Variants in TOX4 observed in about 807,000 individuals in gnomAD.
TOX4 encodes TOX high mobility group box family member 4.
TOX4 carries 12 observed loss-of-function variants against 61.0 expected under a neutral mutation model. The observed-to-expected ratio is 0.20, with a 90% CI of 0.13 to 0.32. The LOEUF is 0.32. TOX4 is among the 10% of genes least tolerant of loss of function. The pLI is 1.00. For missense variants in TOX4, 499 were observed against 753.3 expected, an observed-to-expected ratio of 0.66 and a Z score of 3.95; for synonymous variants, 268 against 274.8, an observed-to-expected ratio of 0.98 and a Z score of 0.24.
chr14:21,489,814 C>CTCG (rs1177495551), intron 5 of TOX4, among the ~76,000 whole-genome samples: 2 of 151,980 alleles, frequency 1.3e-5, no homozygotes, highest in African/African-American at 4.8e-5. Context: ...ATCTCCTGAC[C>CTCG]TCGTGATCCA....
Position 21,493,355 on chromosome 14 carries a change from C to T in TOX4, c.1641+98C>T, listed in dbSNP as rs1024022499. ...GGGGGTTGCTACTAGCATTTAATGCCCAGCAACCAGGAGCACAAAACATCC... is the reference window on the plus strand; with the variant it reads ...GGGGGTTGCTACTAGCATTTAATGCTCAGCAACCAGGAGCACAAAACATCC... On this transcript the variant is annotated intron_variant, in intron 7 of 8. Coordinates refer to ENST00000448790, the MANE Select transcript of TOX4 (RefSeq NM_014828.4). 8.8e-6 allele frequency: 12 copies of T among 1,369,644 alleles called. No individual in the cohort carries two copies. In the East Asian group the frequency reaches 2.9e-4, roughly 33 times the overall value. 84.8% of individuals were successfully genotyped at this position (1,369,644 alleles called of 1,614,324 possible).
At chr14:21,492,129 A>T in intron 5 of TOX4, 167 bp from the exon 6 acceptor site, 1 of 645,416 alleles carries the variant, frequency 1.5e-6, no homozygotes, top group Non-Finnish European at 2.7e-6. Context: ...TGAGTCTGCC[A>T]TGGAGGTTGT....
chr14:21,492,680 C>CAA lies in TOX4; in HGVS notation c.1065_1066insAA (p.Ser356AsnfsTer14). 6.2e-7 allele frequency: 1 copy of CAA among 1,614,050 alleles called. No homozygotes were observed. The highest frequency in any genetic ancestry group is 8.5e-7 in the Non-Finnish European group (1 of 1,180,022). On this transcript the variant is annotated frameshift_variant, in exon 7 of 9. Transcript: ENST00000448790. LOFTEE classifies it high-confidence loss of function. ...CTTTCATCCTATGTGGCAAACCAGG[C>CAA]ATCTTCTGGAGCTGGGGGTCAGCCC...
At chr14:21,494,975 A>T (rs1891370233) in intron 7 of TOX4, among the ~76,000 whole-genome samples, 1 of 139,442 alleles carries the variant, frequency 7.2e-6, no homozygotes, top group African/African-American at 2.6e-5. Flanking sequence ...GCCAGGCTTA[A>T]CAGGGAAAAA....
In TOX4 at chr14:21,498,184, T is replaced by C; in HGVS notation, c.*1578T>C. 1 of 864,886 alleles carries C rather than the reference T, an allele frequency of 1.2e-6. No individual in the cohort carries two copies. Among genetic ancestry groups the C allele is most frequent in the Non-Finnish European group, 1.9e-6 (1 of 519,114 alleles). The allele number at this position is 864,886 out of a possible 1,614,324, so 53.6% of individuals were successfully genotyped here. On this transcript the variant is annotated 3_prime_UTR_variant, in exon 9 of 9. Coordinates refer to ENST00000448790, the MANE Select transcript of TOX4 (RefSeq NM_014828.4). ...TTATTTAAATAAAGAAGAAAGCTATTGTACAAATATCACTCTTCAGGTTTA... is the reference window on the plus strand; with the variant it reads ...TTATTTAAATAAAGAAGAAAGCTATCGTACAAATATCACTCTTCAGGTTTA...
chr14:21,493,558 C>G (rs1288861421), intron 7 of TOX4, among the ~76,000 whole-genome samples: 1 of 152,154 alleles, frequency 6.6e-6, no homozygotes, highest in Non-Finnish European at 1.5e-5. Flanking sequence ...TCTCCTGCCT[C>G]AGCCTCCCGA....
At position 21,485,646 on chromosome 14, in the gene TOX4, C is replaced by T. The variant is rs1393366721; in HGVS notation, c.76-1805C>T. On this transcript the variant is annotated intron_variant, in intron 2 of 8. Coordinates refer to ENST00000448790, the MANE Select transcript of TOX4 (RefSeq NM_014828.4). ...ATCCCAGCACTTTGGGAGGCTGAGG[C>T]GGGTGGATCACGAGGTCAAGAGATC... 7.8e-5 allele frequency among the ~76,000 whole-genome samples: 8 copies of T among 102,372 alleles called. 3 individuals carry two copies. Among genetic ancestry groups the T allele is most frequent in the South Asian group, 6.6e-4 (2 of 3,022 alleles). The allele number at this position is 102,372 out of a possible 152,430, so 67.2% of individuals were successfully genotyped here.
At position 21,492,579 on chromosome 14, in the gene TOX4, T is replaced by G; in HGVS notation, c.963T>G (p.Thr321=). The change falls in exon 7 of 9, where the codon ACT becomes ACG. Residue 321 remains threonine, a synonymous_variant. Coordinates refer to ENST00000448790, the MANE Select transcript of TOX4 (RefSeq NM_014828.4). ...SQTPSPPPMA[T]VDPASPAPAS... is the part of the protein sequence containing the mutation. ...CTCCTTCTCCACCTCCTATGGCTACTGTTGACCCAGCATCTCCAGCACCAG... is the reference window on the plus strand; with the variant it reads ...CTCCTTCTCCACCTCCTATGGCTACGGTTGACCCAGCATCTCCAGCACCAG... The G allele has an allele frequency of 6.2e-7, 1 of 1,613,978 alleles. No homozygotes were observed.
intron 3 of TOX4, 121 bp downstream of exon 3, chr14:21,487,814 C>A: frequency 1.7e-6 from 2 of 1,193,294 alleles, no homozygotes; most frequent in Non-Finnish European, 2.2e-6. Context: ...TGGCTAAAGG[C>A]TCACCAACAA....
intron 5 of TOX4, among the ~76,000 whole-genome samples, chr14:21,489,898 T>C (rs1254773751): frequency 6.6e-6 from 1 of 151,146 alleles, no homozygotes; most frequent in Non-Finnish European, 1.5e-5. Flanking sequence ...AAATTATTAA[T>C]AGGCTGAGTG....
chr14:21,492,824 G>T lies in TOX4; in HGVS notation c.1208G>T (p.Gly403Val). Residue 403 changes from glycine to valine, a missense_variant, in exon 7 of 9, where the codon GGC (glycine) becomes GTC (valine). Coordinates refer to ENST00000448790, the MANE Select transcript of TOX4 (RefSeq NM_014828.4). ...TVVTSRGLQL[G>V]QTSTATIQPS... ...GTGACCTCCCGGGGGCTCCAACTAG[G>T]CCAAACCAGTACAGCTACTATCCAG... 6.2e-7 allele frequency: 1 copy of T among 1,614,052 alleles called. No homozygotes were observed. Among genetic ancestry groups the T allele is most frequent in the Non-Finnish European group, 8.5e-7 (1 of 1,179,994 alleles).
chr14:21,488,010 G>A (rs149113262), intron 3 of TOX4: 32 of 203,590 alleles, frequency 1.6e-4, no homozygotes, highest in African/African-American at 6.8e-4. Flanking sequence ...GCTGGCACAC[G>A]GAGGGATTTA....
In TOX4 at chr14:21,498,915, G is replaced by T; in HGVS notation, c.*2309G>T. 1 of 718,800 alleles carries T rather than the reference G, an allele frequency of 1.4e-6. No homozygotes were observed. The highest frequency in any genetic ancestry group is 2.4e-6 in the Non-Finnish European group (1 of 411,816). 44.5% of individuals were successfully genotyped at this position (718,800 alleles called of 1,614,324 possible). On this transcript the variant is annotated 3_prime_UTR_variant, in exon 9 of 9. Coordinates refer to ENST00000448790, the MANE Select transcript of TOX4 (RefSeq NM_014828.4). ...CAAGCTTAAGTGGCTTATGAATCCT[G>T]TGAAGCTCATTTATGGACTAGTGTA...
rs560425088 is a variant in TOX4 at position 21,494,293 on chromosome 14, T to C, written c.1642-936T>C. On this transcript the variant is annotated intron_variant, in intron 7 of 8. Transcript: ENST00000448790. ...TAGGCAGAAAAATTTAATTGGTTCATACCGTTATTTTTTAAAACAGACATA... is the reference window on the plus strand; with the variant it reads ...TAGGCAGAAAAATTTAATTGGTTCACACCGTTATTTTTTAAAACAGACATA... Among the ~76,000 whole-genome samples, 188 of 152,312 alleles carry C rather than the reference T, an allele frequency of 1.2e-3. 2 individuals are homozygous for C. Among genetic ancestry groups the C allele is most frequent in the African/African-American group, 4.2e-3 (175 of 41,576 alleles).
chr14:21,487,143 G>A (rs923804819), intron 2 of TOX4, among the ~76,000 whole-genome samples: 1 of 152,060 alleles, frequency 6.6e-6, no homozygotes, highest in Non-Finnish European at 1.5e-5. Context: ...CCTAAGTAAT[G>A]GTACTGAAAG....
At chr14:21,492,193 G>A in intron 5 of TOX4, 103 bp from the exon 6 acceptor site, 2 of 1,121,616 alleles carry the variant, frequency 1.8e-6, no homozygotes, top group Non-Finnish European at 2.6e-6. Context: ...TCAGTGATTA[G>A]ACTAAGATGA....
In TOX4 at chr14:21,482,673, TGC is replaced by T. The variant is rs1231215726; in HGVS notation, c.76-4777_76-4776del. The T allele has an allele frequency of 1.0e-4, 44 of 440,822 alleles. No homozygotes were observed. In the Admixed American group the frequency reaches 1.2e-3, roughly 12 times the overall value. 27.3% of individuals were successfully genotyped at this position (440,822 alleles called of 1,614,324 possible). On this transcript the variant is annotated intron_variant, in intron 2 of 8. Transcript: ENST00000448790. ...GTCCAAACCACTTCTTTTTAATATT[TGC>T]TTCAGTTTTAGTTTTGTTTTATATT... is the stretch of plus-strand genomic sequence containing the variant.
At chr14:21,487,776 AC>A in intron 3 of TOX4, 83 bp downstream of exon 3, 1 of 1,438,276 alleles carries the variant, frequency 7.0e-7, no homozygotes, top group South Asian at 1.6e-5. Flanking sequence ...TCCCTGCTAC[AC>A]TTGGGTATTA....
At position 21,498,141 on chromosome 14, in the gene TOX4, C is replaced by T; in HGVS notation, c.*1535C>T. ...AGAGCCAGAATGGACTTCAGAATCC[C>T]AACTACAATACAAATGTTTATTTAA... On this transcript the variant is annotated 3_prime_UTR_variant, in exon 9 of 9. Coordinates refer to ENST00000448790, the MANE Select transcript of TOX4 (RefSeq NM_014828.4). 1 of 666,310 alleles carries T rather than the reference C, an allele frequency of 1.5e-6. No individual in the cohort carries two copies. The highest frequency in any genetic ancestry group is 2.7e-5 in the Admixed American group (1 of 37,128). 41.3% of individuals were successfully genotyped at this position (666,310 alleles called of 1,614,324 possible).
Sources: gnomAD v4.1 joint callset for allele counts (sites outside exome capture counted in the v4.1 genomes callset) on GRCh38, gnomAD v4.1.1 for gene constraint, MANE v1.5 for transcripts, NCBI Gene and HGNC (gene_info 2026-07-23, HGNC 2026-07-21) for gene names.